MFAP3: variants seen among roughly 807,000 people sequenced by gnomAD.
The protein encoded by MFAP3 is microfibril-associated glycoprotein 3.
MFAP3 carries 8 observed loss-of-function variants against 20.5 expected under a neutral mutation model. The ratio of observed to expected loss-of-function variants is 0.39; its 90% confidence interval spans 0.23 to 0.70. The LOEUF (loss-of-function observed/expected upper bound fraction) is 0.70, where lower values mean the gene tolerates loss of function less well. MFAP3 is among the 30% of genes least tolerant of loss of function. MFAP3 has a pLI of 0.44. For missense variants in MFAP3, 398 were observed against 444.6 expected (o/e 0.90, Z 0.94); for synonymous variants, 140 against 154.0 (o/e 0.91, Z 0.67).
At chr5:154,045,855 A>G (rs191437450) in intron 1 of MFAP3, among the ~76,000 whole-genome samples, 8 of 152,342 alleles carry the variant, frequency 5.3e-5, no homozygotes, top group Non-Finnish European at 1.2e-4. Flanking sequence ...TAAATCTAGA[A>G]TGGAATGTGA....
chr5:154,053,996 C>G lies in MFAP3; in HGVS notation c.*283C>G, dbSNP rs17535045. On this transcript the variant is annotated 3_prime_UTR_variant, in exon 3 of 3. Transcript: ENST00000522782. ...GGGGAAAAGCACTGAACTAAGAGTC[C>G]CATGGTTTCTCTTCTGGTCACAGTT... is the stretch of plus-strand genomic sequence containing the variant. The G allele has an allele frequency of 0.11, 37,307 of 329,352 alleles. 2,372 individuals are homozygous for G. The highest frequency in any genetic ancestry group is 0.15 in the African/African-American group (7,183 of 46,856). 20.4% of individuals were successfully genotyped at this position (329,352 alleles called of 1,614,324 possible). A position where few individuals can be genotyped will look rare whatever the true frequency, so the allele number is the denominator to read the frequency against.
intron 1 of MFAP3, among the ~76,000 whole-genome samples, chr5:154,046,097 C>G (rs1029214901): frequency 6.6e-6 from 1 of 152,230 alleles, no homozygotes; most frequent in African/African-American, 2.4e-5. Flanking sequence ...AAAAAGCTCT[C>G]CTGACAGTTG....
At chr5:154,048,382 A>T (rs770867313) in intron 1 of MFAP3, among the ~76,000 whole-genome samples, 52 of 152,226 alleles carry the variant, frequency 3.4e-4, no homozygotes, top group Non-Finnish European at 7.3e-4. Flanking sequence ...AATGAAAATT[A>T]AATGACATTT....
chr5:154,049,665 T>C lies in MFAP3; in HGVS notation c.-58T>C, dbSNP rs1581864751. On this transcript the variant is annotated 5_prime_UTR_variant, in exon 2 of 3. Coordinates refer to ENST00000522782, the MANE Select transcript of MFAP3 (RefSeq NM_005927.5). Reference sequence around the variant, plus strand: ...AATAAATTACCCGCTGTGCTTTTGTTGTAGTGTAGAAGTTTTTGAGTTCTC... The same window carrying C: ...AATAAATTACCCGCTGTGCTTTTGTCGTAGTGTAGAAGTTTTTGAGTTCTC... The C allele has an allele frequency of 6.6e-7, 1 of 1,514,310 alleles. No individual in the cohort carries two copies. Among genetic ancestry groups the C allele is most frequent in the East Asian group, 2.3e-5 (1 of 44,086 alleles). 93.8% of individuals were successfully genotyped at this position (1,514,310 alleles called of 1,614,324 possible). A position where few individuals can be genotyped will look rare whatever the true frequency, so the allele number is the denominator to read the frequency against.
Position 154,053,570 on chromosome 5 carries a change from G to A in MFAP3, c.946G>A (p.Val316Ile), listed in dbSNP as rs1353173291. 1.9e-6 allele frequency: 3 copies of A among 1,613,918 alleles called. No individual in the cohort carries two copies. The highest frequency in any genetic ancestry group is 2.5e-6 in the Non-Finnish European group (3 of 1,179,948). Residue 316 changes from valine to isoleucine, a missense_variant, in exon 3 of 3, where the codon GTT becomes ATT. Physicochemically the swap from Val to Ile is conservative, Grantham distance 29 (BLOSUM62 3). Transcript: ENST00000522782. Reference sequence around the variant, plus strand: ...ACAAGGCCAGGAAATAGCAGTTCAGGTTTCTGTCCACCTTCAGTCAGAAAC... The same window carrying A: ...ACAAGGCCAGGAAATAGCAGTTCAGATTTCTGTCCACCTTCAGTCAGAAAC... ...NEQGQEIAVQ[V>I]SVHLQSETKS...
chr5:154,045,617 CTG>C (rs1190467733), intron 1 of MFAP3, among the ~76,000 whole-genome samples: 3 of 152,156 alleles, frequency 2.0e-5, no homozygotes, highest in Non-Finnish European at 2.9e-5. Context: ...TTGCCAGACT[CTG>C]TGTTTTATGT....
chr5:154,050,373 GACT>G (rs1416786316), intron 2 of MFAP3, among the ~76,000 whole-genome samples: 1 of 152,098 alleles, frequency 6.6e-6, no homozygotes, highest in Non-Finnish European at 1.5e-5. Flanking sequence ...CCTTCACCTA[GACT>G]ACTATGTCAG....
At position 154,053,838 on chromosome 5, in the gene MFAP3, C is replaced by CA. The variant is rs1773265540; in HGVS notation, c.*126dup. On this transcript the variant is annotated 3_prime_UTR_variant, in exon 3 of 3. Transcript: ENST00000522782. ...GTTTTCCGTTTGTTAATATTAAGCA[C>CA]ATCAGAACGTGAATTGCCAAAGTCT... 1.2e-6 allele frequency: 1 copy of CA among 832,640 alleles called. No individual in the cohort carries two copies. The highest frequency in any genetic ancestry group is 1.9e-6 in the Non-Finnish European group (1 of 528,386). 51.6% of individuals were successfully genotyped at this position (832,640 alleles called of 1,614,324 possible).
Position 154,053,069 on chromosome 5 carries a change from G to A in MFAP3, c.445G>A (p.Val149Ile), listed in dbSNP as rs201729241. Residue 149 changes from valine to isoleucine, a missense_variant, in exon 3 of 3, where the codon GTC (valine) becomes ATC (isoleucine). Coordinates refer to ENST00000522782, the MANE Select transcript of MFAP3 (RefSeq NM_005927.5). ...TATCTTCACCTCGGGAGACATGAGT[G>A]TCTATTACATGATTGTTTGCCTGAT... is the stretch of plus-strand genomic sequence containing the variant. The part of the protein sequence containing the change: ...RVIFTSGDMS[V>I]YYMIVCLIAF... 2.5e-6 allele frequency: 4 copies of A among 1,613,844 alleles called. No individual in the cohort carries two copies. Among genetic ancestry groups the A allele is most frequent in the Non-Finnish European group, 3.4e-6 (4 of 1,179,876 alleles).
chr5:154,052,816 T>G, intron 2 of MFAP3, 104 bp from the exon 3 acceptor site: 1 of 990,842 alleles, frequency 1.0e-6, no homozygotes, highest in South Asian at 1.7e-5. Context: ...ACAAATCAGC[T>G]AAGTTAAAGT....
At chr5:154,047,221 C>G (rs1773086107) in intron 1 of MFAP3, among the ~76,000 whole-genome samples, 1 of 152,140 alleles carries the variant, frequency 6.6e-6, no homozygotes, top group South Asian at 2.1e-4. Flanking sequence ...GATTAACTCC[C>G]CATGTTGGGT....
In MFAP3 at chr5:154,056,994, C is replaced by T. The variant is rs568481956; in HGVS notation, c.*3281C>T. On this transcript the variant is annotated 3_prime_UTR_variant, in exon 3 of 3. Coordinates refer to ENST00000522782, the MANE Select transcript of MFAP3 (RefSeq NM_005927.5). Reference sequence around the variant, plus strand: ...ATCTGTGCACGGCTTTCCTTTTGCTCCTCCAGACAAGTGAGGCTGTTGGTA... The same window carrying T: ...ATCTGTGCACGGCTTTCCTTTTGCTTCTCCAGACAAGTGAGGCTGTTGGTA... Among the ~76,000 whole-genome samples the T allele has an allele frequency of 4.4e-4, 67 of 152,314 alleles. No homozygotes were observed. Among genetic ancestry groups the T allele is most frequent in the Admixed American group, 1.2e-3 (18 of 15,300 alleles).
At chr5:154,046,796 T>C (rs1055022824) in intron 1 of MFAP3, among the ~76,000 whole-genome samples, 1 of 152,140 alleles carries the variant, frequency 6.6e-6, no homozygotes, top group African/African-American at 2.4e-5. Context: ...CTTTCCAGTT[T>C]CTTCTACACT....
Position 154,056,006 on chromosome 5 carries a change from A to G in MFAP3, c.*2293A>G, listed in dbSNP as rs1055259395. ...CCCTGTCCTAACATAGCAGGTTTGC[A>G]GTAATCTTTTAGAATATAGCTTGTC... On this transcript the variant is annotated 3_prime_UTR_variant, in exon 3 of 3. Transcript: ENST00000522782. 3.3e-5 allele frequency among the ~76,000 whole-genome samples: 5 copies of G among 152,218 alleles called. No individual in the cohort carries two copies. Among genetic ancestry groups the G allele is most frequent in the Admixed American group, 2.6e-4 (4 of 15,288 alleles).
chr5:154,040,843 T>C (rs1014659346), intron 1 of MFAP3, among the ~76,000 whole-genome samples: 4 of 152,232 alleles, frequency 2.6e-5, no homozygotes, highest in South Asian at 2.1e-4. Flanking sequence ...AAACTCAAGA[T>C]AGGTGTCTTT....
rs147257975 is a variant in MFAP3, at chr5:154,056,177, C to T, written c.*2464C>T. ...TGTTTTTAAAGTCTGTAAGTTTGCACGATACTGTATAGTAACTAAATGCAT... is the reference window on the plus strand; with the variant it reads ...TGTTTTTAAAGTCTGTAAGTTTGCATGATACTGTATAGTAACTAAATGCAT... On this transcript the variant is annotated 3_prime_UTR_variant, in exon 3 of 3. Transcript: ENST00000522782. Among the ~76,000 whole-genome samples the T allele has an allele frequency of 6.6e-6, 1 of 152,288 alleles. No homozygotes were observed. The highest frequency in any genetic ancestry group is 6.5e-5 in the Admixed American group (1 of 15,296).
intron 2 of MFAP3, 143 bp downstream of exon 2, chr5:154,050,160 C>A: frequency 2.7e-6 from 2 of 729,954 alleles, no homozygotes; most frequent in East Asian, 3.1e-5. Context: ...AGTGTTGTAC[C>A]TATCAGAAAA....
chr5:154,050,013 C>A lies in MFAP3; in HGVS notation c.291C>A (p.Ser97Arg), dbSNP rs1340784453. ...AAGGACAGCAACTGGATGGCAGAAG[C>A]AGAGGTAATTGGTCAGGGTATAATT... ...NSKGQQLDGR[S>R]RGGKWLVSDN... The change falls in exon 2 of 3, where the codon AGC (serine) becomes AGA (arginine). Residue 97 changes from serine to arginine, a missense_variant. By Grantham distance (110) the Ser-to-Arg change is moderately radical. Coordinates refer to ENST00000522782, the MANE Select transcript of MFAP3 (RefSeq NM_005927.5). 1 of 1,602,370 alleles carries A rather than the reference C, an allele frequency of 6.2e-7. No individual in the cohort carries two copies. Among genetic ancestry groups the A allele is most frequent in the Non-Finnish European group, 8.5e-7 (1 of 1,171,128 alleles).
At position 154,050,007 on chromosome 5, in the gene MFAP3, C is replaced by T; in HGVS notation, c.285C>T (p.Gly95=). Residue 95 remains glycine (G), a synonymous_variant, in exon 2 of 3, where the codon GGC becomes GGT. Coordinates refer to ENST00000522782, the MANE Select transcript of MFAP3 (RefSeq NM_005927.5). ...WHNSKGQQLD[G]RSRGGKWLVS... The stretch of plus-strand genomic sequence containing the variant: ...ATTCAAAAGGACAGCAACTGGATGG[C>T]AGAAGCAGAGGTAATTGGTCAGGGT... 6.2e-7 allele frequency: 1 copy of T among 1,603,598 alleles called. No individual in the cohort carries two copies. The highest frequency in any genetic ancestry group is 8.5e-7 in the Non-Finnish European group (1 of 1,171,796).
Sources: allele counts gnomAD v4.1 joint callset (sites outside exome capture counted in the v4.1 genomes callset), GRCh38; gene constraint gnomAD v4.1.1; transcripts MANE v1.5; gene names NCBI Gene and HGNC (gene_info 2026-07-23, HGNC 2026-07-21).